Variants in MAPK12 observed in about 807,000 individuals in gnomAD.
MAPK12 encodes the protein mitogen-activated protein kinase 12, also known as MAP kinase 12.
MAPK12 carries 49 observed loss-of-function variants against 49.1 expected under a neutral mutation model. The observed-to-expected ratio is 1.00, with a 90% CI of 0.79 to 1.27. The LOEUF is 1.27. Among genes scored for constraint, MAPK12 ranks in the 50% most tolerant of loss-of-function variants. The pLI is 0.00. For synonymous variants in MAPK12, 251 were observed against 209.7 expected (o/e 1.20, Z -1.70); for missense variants, 554 against 502.4 (o/e 1.10, Z -0.98).
intron 11 of MAPK12, chr22:50,254,757 T>C: frequency 9.1e-7 from 1 of 1,099,110 alleles, no homozygotes. Context: ...GTGGCCCAGG[T>C]CTCTGGCCTG....
chr22:50,259,625 G>C (rs2065188480), intron 2 of MAPK12, among the ~76,000 whole-genome samples: 1 of 152,162 alleles, frequency 6.6e-6, no homozygotes, highest in South Asian at 2.1e-4. Flanking sequence ...GCTCACGCCT[G>C]TAACCCCAGC....
intron 2 of MAPK12, 61 bp downstream of exon 2, chr22:50,261,106 C>T (rs1601647420): frequency 2.7e-6 from 4 of 1,471,372 alleles, no homozygotes; most frequent in East Asian, 5.7e-5. Context: ...TGGGGGAACC[C>T]AGCCCAGCTG....
At chr22:50,260,814 G>C in intron 2 of MAPK12, 1 of 179,734 alleles carries the variant, frequency 5.6e-6, no homozygotes, top group Non-Finnish European at 1.2e-5. Flanking sequence ...CCTCCCGCCG[G>C]GAGCATGCTC....
In MAPK12 at chr22:50,253,036, G is replaced by T. The variant is rs562079602; in HGVS notation, c.*365C>A. Reference sequence around the variant, plus strand: ...GGATGTCCCTGAGTTGGTGCCCTGCGCCCACCCTCTGTCCTTCCTCTGCAT... The same window carrying T: ...GGATGTCCCTGAGTTGGTGCCCTGCTCCCACCCTCTGTCCTTCCTCTGCAT... On this transcript the variant is annotated 3_prime_UTR_variant, in exon 12 of 12. Transcript: ENST00000215659. 5.0e-4 allele frequency: 170 copies of T among 340,944 alleles called. 1 individual carries two copies. Among genetic ancestry groups the T allele is most frequent in the South Asian group, 4.3e-3 (168 of 38,752 alleles). The allele number at this position is 340,944 out of a possible 1,614,324, so 21.1% of individuals were successfully genotyped here.
At chr22:50,261,073 T>A in intron 2 of MAPK12, 94 bp downstream of exon 2, 1 of 1,334,568 alleles carries the variant, frequency 7.5e-7, no homozygotes. Context: ...CACAGCAGGC[T>A]GCCTGGAGGA....
At chr22:50,253,502 G>GGGGGGGGGGGGGGGGGGGGGGC in intron 11 of MAPK12, 22 bp from the exon 12 acceptor site, 3 of 171,660 alleles carry the variant, frequency 1.7e-5, no homozygotes, top group Admixed American at 1.1e-4. Flanking sequence ...GGGGGGGCGG[G>GGGGGGGGGGGGGGGGGGGGGGC]CACAACAGAG....
chr22:50,257,773 C>T, intron 3 of MAPK12: 1 of 697,502 alleles, frequency 1.4e-6, no homozygotes, highest in Non-Finnish European at 2.7e-6. Context: ...CCAGGCCTTC[C>T]TCGGCCTGGC....
intron 6 of MAPK12, among the ~76,000 whole-genome samples, 167 bp from the exon 7 acceptor site, chr22:50,256,366 G>A (rs1043550126): frequency 6.6e-6 from 1 of 152,222 alleles, no homozygotes; most frequent in Non-Finnish European, 1.5e-5. Flanking sequence ...ACTGCCCCGA[G>A]CTCCTCCCTC....
chr22:50,256,990 G>A (rs2147258228), intron 4 of MAPK12, 26 bp from the exon 5 acceptor site: 1 of 1,605,532 alleles, frequency 6.2e-7, no homozygotes, highest in Non-Finnish European at 8.5e-7. Flanking sequence ...GATTTGGCAG[G>A]CTTCAGCGCA....
At chr22:50,255,578 G>GGGCCCCCCCCCCCCCCCCCCCCC in intron 9 of MAPK12, 37 bp downstream of exon 9, 1 of 1,581,958 alleles carries the variant, frequency 6.3e-7, no homozygotes, top group Non-Finnish European at 8.7e-7. Flanking sequence ...GCCCAGGTCC[G>GGGCCCCCCCCCCCCCCCCCCCCC]CCCCCACCCC....
chr22:50,257,247 G>T, intron 3 of MAPK12, 54 bp from the exon 4 acceptor site: 2 of 1,444,844 alleles, frequency 1.4e-6, no homozygotes. Context: ...CTGCATCCCA[G>T]AGACCCACCC....
chr22:50,260,305 T>A (rs2065198273), intron 2 of MAPK12, among the ~76,000 whole-genome samples: 1 of 151,894 alleles, frequency 6.6e-6, no homozygotes, highest in Non-Finnish European at 1.5e-5. Context: ...GTGGCTCAGA[T>A]GACCCAGGAG....
chr22:50,261,084 G>A lies in MAPK12; in HGVS notation c.255+83C>T, dbSNP rs570451461. The A allele has an allele frequency of 4.2e-4, 578 of 1,392,122 alleles. 7 individuals are homozygous for A. The South Asian group carries it at 6.3e-3, about 15-fold the overall frequency. The allele number at this position is 1,392,122 out of a possible 1,614,324, so 86.2% of individuals were successfully genotyped here. On this transcript the variant is annotated intron_variant, in intron 2 of 11. Transcript: ENST00000215659. ...GCCCCACAGCAGGCTGCCTGGAGGAGGGGTTGCCGGGTGGGGGAACCCAGC... is the reference window on the plus strand; with the variant it reads ...GCCCCACAGCAGGCTGCCTGGAGGAAGGGTTGCCGGGTGGGGGAACCCAGC...
At position 50,261,571 on chromosome 22, in the gene MAPK12, G is replaced by T. The variant is rs2065214750; in HGVS notation, c.-62C>A. On this transcript the variant is annotated 5_prime_UTR_variant, in exon 1 of 12. Coordinates refer to ENST00000215659, the MANE Select transcript of MAPK12 (RefSeq NM_002969.6). Reference sequence around the variant, plus strand: ...GGGCGGTGCCCCCACGACCGGGGACGGGGCTCCCTCGGCGCGCGCCTCGGG... The same window carrying T: ...GGGCGGTGCCCCCACGACCGGGGACTGGGCTCCCTCGGCGCGCGCCTCGGG... 9 of 1,027,848 alleles carry T rather than the reference G, an allele frequency of 8.8e-6. No individual in the cohort carries two copies. The South Asian group carries it at 3.9e-4, about 45-fold the overall frequency. The allele number at this position is 1,027,848 out of a possible 1,614,324, so 63.7% of individuals were successfully genotyped here.
At chr22:50,255,932 G>T (rs548553355) in intron 7 of MAPK12, 51 bp from the exon 8 acceptor site, 13 of 1,572,660 alleles carry the variant, frequency 8.3e-6, no homozygotes, top group Admixed American at 1.7e-5. Context: ...AGGATGAGAC[G>T]GGGAGGGAGG....
In MAPK12 at chr22:50,256,553, G is replaced by A. The variant is rs1015582685; in HGVS notation, c.504+46C>T. ...AGGTGGATAGATGGGCAGATCCAGA[G>A]GGGGCCCCTGCCCCACCTCAGGGCC... On this transcript the variant is annotated intron_variant, in intron 6 of 11. Transcript: ENST00000215659. 1.1e-5 allele frequency: 18 copies of A among 1,594,016 alleles called. 1 individual carries two copies. In the African/African-American group the frequency reaches 1.2e-4, roughly 11 times the overall value.
At chr22:50,260,221 G>A (rs930755200) in intron 2 of MAPK12, among the ~76,000 whole-genome samples, 10 of 149,040 alleles carry the variant, frequency 6.7e-5, no homozygotes, top group Non-Finnish European at 7.5e-5. Flanking sequence ...GCCAGGAACC[G>A]GGGGACGGGG....
chr22:50,259,985 C>G (rs1413295718), intron 2 of MAPK12, among the ~76,000 whole-genome samples: 1 of 124,666 alleles, frequency 8.0e-6, no homozygotes, highest in African/African-American at 3.1e-5. Flanking sequence ...GTGGGGAAGG[C>G]TGCAGTCCTG....
chr22:50,256,406 G>T (rs961969546), intron 6 of MAPK12, among the ~76,000 whole-genome samples, 193 bp downstream of exon 6: 1 of 152,200 alleles, frequency 6.6e-6, no homozygotes, highest in Non-Finnish European at 1.5e-5. Flanking sequence ...AGCAGCCCTC[G>T]GGACGGAGCA....
Sources: allele counts gnomAD v4.1 joint callset (sites outside exome capture counted in the v4.1 genomes callset), GRCh38; gene constraint gnomAD v4.1.1; transcripts MANE v1.5; gene names NCBI Gene and HGNC (gene_info 2026-07-23, HGNC 2026-07-21).